ESR2: variants seen among roughly 807,000 people sequenced by gnomAD.
The protein encoded by ESR2 is estrogen receptor 2.
In ESR2, 36 loss-of-function variants were observed where a neutral mutation model predicts 49.6. The ratio of observed to expected loss-of-function variants is 0.73; its 90% CI spans 0.56 to 0.96. The LOEUF is 0.96. Among genes scored for constraint, ESR2 ranks in the 40% least tolerant of loss-of-function variants. The pLI, the probability that ESR2 is intolerant of heterozygous loss-of-function variation, is 0.00. For synonymous variants in ESR2, 320 were observed against 266.1 expected, an observed-to-expected ratio of 1.20 and a Z score of -1.97; for missense variants, 714 against 693.0, an observed-to-expected ratio of 1.03 and a Z score of -0.34.
chr14:64,298,010 C>A (rs1271684810), upstream of ESR2, among the ~76,000 whole-genome samples: 2 of 152,108 alleles, frequency 1.3e-5, no homozygotes. Flanking sequence ...ATTGAACGTG[C>A]AATAACACCT....
intron 4 of ESR2, among the ~76,000 whole-genome samples, chr14:64,266,871 TC>T (rs2076340010): frequency 6.6e-6 from 1 of 152,168 alleles, no homozygotes; most frequent in African/African-American, 2.4e-5. Context: ...TTCAAAACTT[TC>T]AACTAAACTT....
intron 1 of ESR2, among the ~76,000 whole-genome samples, chr14:64,285,736 G>A (rs1230250785): frequency 2.0e-5 from 3 of 149,210 alleles, no homozygotes; most frequent in African/African-American, 7.4e-5. Context: ...GCTAAGACAT[G>A]AGAATCACTG....
chr14:64,291,846 T>C (rs2076875498), intron 1 of ESR2, among the ~76,000 whole-genome samples: 1 of 152,204 alleles, frequency 6.6e-6, no homozygotes, highest in Admixed American at 6.5e-5. Context: ...CACTATTTGA[T>C]AATATGCAAT....
Position 64,282,762 on chromosome 14 carries a change from C to T in ESR2, c.224G>A (p.Ser75Asn). Residue 75 changes from serine to asparagine, a missense_variant, in exon 2 of 9, where the codon AGC (serine) becomes AAC (asparagine). Transcript: ENST00000341099. ...LEGGPGRQTT[S>N]PNVLWPTPGH... ...AGGTGTTGGCCACAACACATTTGGG[C>T]TTGTGGTCTGCCGACCAGGCCCACC... 8 of 1,614,218 alleles carry T rather than the reference C, an allele frequency of 5.0e-6. No homozygotes were observed. The highest frequency in any genetic ancestry group is 6.8e-6 in the Non-Finnish European group (8 of 1,180,036).
chr14:64,227,515 A>G (rs2098722546), downstream of ESR2: 3 of 1,613,454 alleles, frequency 1.9e-6, no homozygotes, highest in Admixed American at 1.7e-5. Context: ...TCTTTAGGCC[A>G]CCGAGTTGAT....
chr14:64,303,142 T>TG (rs768994020), intron 1 of ESR2, among the ~76,000 whole-genome samples: 4 of 152,280 alleles, frequency 2.6e-5, no homozygotes, highest in Non-Finnish European at 5.9e-5. Flanking sequence ...TGCAATTCGG[T>TG]GATTAAACCC....
At chr14:64,333,623 T>C (rs559385225) in intron 1 of ESR2, among the ~76,000 whole-genome samples, 1 of 152,260 alleles carries the variant, frequency 6.6e-6, no homozygotes, top group African/African-American at 2.4e-5. Flanking sequence ...AACATACATC[T>C]TACATGGCAA....
chr14:64,301,803 G>A (rs1567789982), intron 1 of ESR2, among the ~76,000 whole-genome samples: 1 of 152,152 alleles, frequency 6.6e-6, no homozygotes, highest in Admixed American at 6.5e-5. Context: ...ATGACAAATT[G>A]CTGTAACGTG....
At chr14:64,293,627 C>A (rs1180278564) in intron 1 of ESR2, among the ~76,000 whole-genome samples, 1 of 152,172 alleles carries the variant, frequency 6.6e-6, no homozygotes, top group Non-Finnish European at 1.5e-5. Context: ...CTAAGGAATG[C>A]CAATTAATAC....
chr14:64,238,704 C>A (rs2075658009), intron 7 of ESR2, among the ~76,000 whole-genome samples: 1 of 151,342 alleles, frequency 6.6e-6, no homozygotes, highest in African/African-American at 2.4e-5. Flanking sequence ...AGTTAGGATT[C>A]ACTGTAAAAC....
At chr14:64,262,515 A>G (rs2076244009) in intron 4 of ESR2, among the ~76,000 whole-genome samples, 1 of 152,216 alleles carries the variant, frequency 6.6e-6, no homozygotes, top group African/African-American at 2.4e-5. Context: ...AATTTCTAAG[A>G]TTCTTTTTTG....
At position 64,314,264 on chromosome 14, in the gene ESR2, A is replaced by G. The variant is rs145777453; in HGVS notation, c.-91+23634T>C. On this transcript the variant is annotated intron_variant, in intron 1 of 8. Coordinates refer to the ESR2 transcript ENST00000358599. ...ATGGAAATGAAACAAGTACTCCTAA[A>G]TAAAACATAGGTCAAGGGAAATTTT... Among the ~76,000 whole-genome samples the G allele has an allele frequency of 5.6e-3, 856 of 152,252 alleles. 11 individuals carry two copies. The highest frequency in any genetic ancestry group is 0.02 in the African/African-American group (829 of 41,546).
intron 4 of ESR2, among the ~76,000 whole-genome samples, chr14:64,267,262 A>C (rs923061081): frequency 1.3e-5 from 2 of 152,254 alleles, no homozygotes; most frequent in African/African-American, 4.8e-5. Flanking sequence ...AAATTTTATA[A>C]TGTAACAATT....
At chr14:64,310,047 C>A (rs543683702) in intron 1 of ESR2, among the ~76,000 whole-genome samples, 2 of 151,960 alleles carry the variant, frequency 1.3e-5, no homozygotes, top group African/African-American at 4.8e-5. Flanking sequence ...GATCACGCCA[C>A]TGTACTGCAG....
chr14:64,323,804 G>A (rs923712071), intron 1 of ESR2, among the ~76,000 whole-genome samples: 1 of 152,076 alleles, frequency 6.6e-6, no homozygotes, highest in African/African-American at 2.4e-5. Context: ...CGATTCTCCT[G>A]CTTCAACCTC....
chr14:64,227,853 C>A, downstream of ESR2: 1 of 1,591,848 alleles, frequency 6.3e-7, no homozygotes, highest in East Asian at 2.2e-5. Context: ...TCTTTCATTG[C>A]CCACATGCAA....
intron 5 of ESR2, among the ~76,000 whole-genome samples, chr14:64,258,182 C>T (rs886162717): frequency 6.6e-6 from 1 of 151,678 alleles, no homozygotes; most frequent in African/African-American, 2.4e-5. Flanking sequence ...GCACTCCAGC[C>T]TGGGCAACAG....
chr14:64,268,397 C>T (rs897086770), intron 4 of ESR2, among the ~76,000 whole-genome samples: 5 of 152,160 alleles, frequency 3.3e-5, no homozygotes, highest in Non-Finnish European at 7.3e-5. Context: ...TTTTTTGTCA[C>T]GAGTTTTAAC....
At chr14:64,286,624 C>T (rs2076789014) in intron 1 of ESR2, among the ~76,000 whole-genome samples, 1 of 151,702 alleles carries the variant, frequency 6.6e-6, no homozygotes, top group South Asian at 2.1e-4. Flanking sequence ...TACTTAGATT[C>T]CTGATCAACA....
Sources: allele counts gnomAD v4.1 joint callset (sites outside exome capture counted in the v4.1 genomes callset), GRCh38; gene constraint gnomAD v4.1.1; transcripts MANE v1.5; gene names NCBI Gene and HGNC (gene_info 2026-07-23, HGNC 2026-07-21).